KCNIP4: variants seen among roughly 807,000 people sequenced by gnomAD.
KCNIP4 encodes Kv channel-interacting protein 4.
A neutral mutation model predicts 34.0 loss-of-function variants in KCNIP4; 12 were observed. That is an observed-to-expected ratio of 0.35 (90% confidence interval 0.23 to 0.57). KCNIP4 has a LOEUF of 0.57. KCNIP4 is among the 20% of genes least tolerant of loss of function. The pLI, the probability that KCNIP4 is intolerant of heterozygous loss-of-function variation, is 0.83. For missense variants in KCNIP4, 238 were observed against 311.7 expected (o/e 0.76, Z 1.78); for synonymous variants, 124 against 102.2 (o/e 1.21, Z -1.29).
intron 3 of KCNIP4, among the ~76,000 whole-genome samples, chr4:20,779,881 A>G (rs1756716350): frequency 6.6e-6 from 1 of 152,164 alleles, no homozygotes; most frequent in Non-Finnish European, 1.5e-5. Flanking sequence ...AGAATTTCTC[A>G]AGGGAGCATG....
intron 1 of KCNIP4, among the ~76,000 whole-genome samples, chr4:21,746,678 A>G (rs1716802434): frequency 6.6e-6 from 1 of 151,996 alleles, no homozygotes; most frequent in South Asian, 2.1e-4. Flanking sequence ...TATTCATAAT[A>G]CCAAAAAAAA....
At chr4:21,219,733 T>A (rs1158629122) in intron 1 of KCNIP4, among the ~76,000 whole-genome samples, 1 of 151,912 alleles carries the variant, frequency 6.6e-6, no homozygotes, top group Non-Finnish European at 1.5e-5. Context: ...TGGGAAGGTG[T>A]TTGGTGGAGT....
At chr4:21,698,080 A>G (rs1712533906) in intron 1 of KCNIP4, among the ~76,000 whole-genome samples, 1 of 152,186 alleles carries the variant, frequency 6.6e-6, no homozygotes, top group Non-Finnish European at 1.5e-5. Context: ...CATGGGGGAA[A>G]GGCTCATTTG....
chr4:21,289,563 G>A (rs1000358325), intron 1 of KCNIP4, among the ~76,000 whole-genome samples: 1 of 152,118 alleles, frequency 6.6e-6, no homozygotes, highest in East Asian at 1.9e-4. Context: ...AAATTATATG[G>A]ATCATCCCTA....
In KCNIP4 at chr4:21,930,033, C is replaced by T. The variant is rs962244238; in HGVS notation, c.61+18538G>A. On this transcript the variant is annotated intron_variant, in intron 1 of 8. Transcript: ENST00000382152. ...TAAGTGACCTCTTCTGTTCGCATGG[C>T]TGTATCTGCAATCCACTGGCTCCTA... Among the ~76,000 whole-genome samples the T allele has an allele frequency of 2.6e-5, 4 of 152,218 alleles. No individual in the cohort carries two copies. In the East Asian group the frequency reaches 5.8e-4, roughly 22 times the overall value.
intron 1 of KCNIP4, among the ~76,000 whole-genome samples, chr4:20,970,166 C>T (rs948073416): frequency 6.6e-6 from 1 of 152,110 alleles, no homozygotes; most frequent in African/African-American, 2.4e-5. Context: ...TGGTCTCGAT[C>T]TCCTGACCTC....
intron 3 of KCNIP4, among the ~76,000 whole-genome samples, chr4:20,760,972 A>G (rs1434469375): frequency 6.6e-6 from 1 of 152,204 alleles, no homozygotes; most frequent in Non-Finnish European, 1.5e-5. Flanking sequence ...GAGATTTATT[A>G]CATTGATGCA....
At chr4:21,524,483 A>G (rs1432832001) in intron 1 of KCNIP4, among the ~76,000 whole-genome samples, 3 of 152,098 alleles carry the variant, frequency 2.0e-5, no homozygotes, top group Admixed American at 1.3e-4. Flanking sequence ...AATAGCCACT[A>G]TGACTTTTTT....
At chr4:21,107,024 G>A (rs200892699) in intron 1 of KCNIP4, among the ~76,000 whole-genome samples, 21,552 of 147,612 alleles carry the variant, frequency 0.15, 1,870 homozygotes, top group East Asian at 0.23. Flanking sequence ...CCAAGTATGT[G>A]GTCAATTTTG....
intron 1 of KCNIP4, among the ~76,000 whole-genome samples, chr4:21,130,034 C>T (rs567791058): frequency 7.9e-5 from 12 of 152,184 alleles, no homozygotes; most frequent in South Asian, 2.1e-4. Context: ...CATTTTCTCC[C>T]GGCAAAACGT....
At chr4:21,897,125 C>T (rs1310301078) in intron 1 of KCNIP4, among the ~76,000 whole-genome samples, 2 of 151,850 alleles carry the variant, frequency 1.3e-5, no homozygotes, top group Non-Finnish European at 2.9e-5. Context: ...AAAATTTATG[C>T]TTTACTTTTA....
At chr4:20,731,566 A>T in intron 8 of KCNIP4, 1 of 985,392 alleles carries the variant, frequency 1.0e-6, no homozygotes, top group Non-Finnish European at 1.2e-6. Context: ...ATACACTAAA[A>T]CAATGACTTT....
intron 1 of KCNIP4, among the ~76,000 whole-genome samples, chr4:21,505,145 T>C (rs960871443): frequency 2.6e-5 from 4 of 152,180 alleles, no homozygotes; most frequent in African/African-American, 9.7e-5. Flanking sequence ...TCATTTGATA[T>C]TTACAAGGTC....
chr4:21,513,206 T>C (rs1734479022), intron 1 of KCNIP4, among the ~76,000 whole-genome samples: 1 of 152,200 alleles, frequency 6.6e-6, no homozygotes, highest in Non-Finnish European at 1.5e-5. Flanking sequence ...TGTAATTAAA[T>C]AACCATGTCA....
At chr4:21,840,310 T>G (rs945392894) in intron 1 of KCNIP4, among the ~76,000 whole-genome samples, 1 of 151,974 alleles carries the variant, frequency 6.6e-6, no homozygotes, top group African/African-American at 2.4e-5. Flanking sequence ...GTGAGTCTCC[T>G]CTGTAGTCTG....
At chr4:20,733,766 T>TA (rs1248117013) in intron 6 of KCNIP4, among the ~76,000 whole-genome samples, 5 of 152,160 alleles carry the variant, frequency 3.3e-5, no homozygotes, top group African/African-American at 1.2e-4. Flanking sequence ...ACAATAGCCA[T>TA]AAGGTCTTAA....
intron 1 of KCNIP4, among the ~76,000 whole-genome samples, chr4:21,784,222 A>G (rs1007569433): frequency 6.6e-6 from 1 of 152,072 alleles, no homozygotes; most frequent in Non-Finnish European, 1.5e-5. Context: ...GGCATGGGGG[A>G]ACCACCCCCA....
chr4:21,248,589 C>T (rs1343644089), intron 1 of KCNIP4, among the ~76,000 whole-genome samples: 3 of 151,946 alleles, frequency 2.0e-5, no homozygotes, highest in Non-Finnish European at 2.9e-5. Context: ...TGTCCTTTTT[C>T]CTTTTATAGC....
In KCNIP4 at chr4:21,328,669, C is replaced by T. The variant is rs189701932; in HGVS notation, c.62-445960G>A. On this transcript the variant is annotated intron_variant, in intron 1 of 8. Transcript: ENST00000382152. ...CAGGCTTATTTCCTTCCCTTCAGGG[C>T]GGCAAGTTCCACTGGTCCCAGACAG... is the stretch of plus-strand genomic sequence containing the variant. 5.0e-3 allele frequency among the ~76,000 whole-genome samples: 763 copies of T among 152,322 alleles called. 8 individuals carry two copies. The highest frequency in any genetic ancestry group is 0.017 in the African/African-American group (712 of 41,580).
Sources: gnomAD v4.1 joint callset for allele counts (sites outside exome capture counted in the v4.1 genomes callset) on GRCh38, gnomAD v4.1.1 for gene constraint, MANE v1.5 for transcripts, NCBI Gene and HGNC (gene_info 2026-07-23, HGNC 2026-07-21) for gene names.